The following PDE3B variants were observed in gnomAD, a reference collection of about 807,000 sequenced individuals.
The protein encoded by PDE3B is cGMP-inhibited 3',5'-cyclic phosphodiesterase 3B.
A neutral mutation model predicts 116.8 loss-of-function variants in PDE3B; 66 were observed. The observed-to-expected ratio is 0.56, with a 90% confidence interval of 0.46 to 0.69. The LOEUF (loss-of-function observed/expected upper bound fraction) is 0.69, where lower values mean the gene tolerates loss of function less well. Ranked by LOEUF, PDE3B falls within the 30% of genes least tolerant of loss-of-function variation. PDE3B has a pLI of 0.00. For missense variants in PDE3B, 1,384 were observed against 1,368.1 expected, an observed-to-expected ratio of 1.01 and a Z score of -0.18; for synonymous variants, 595 against 533.6, an observed-to-expected ratio of 1.12 and a Z score of -1.59.
At chr11:14,835,466 C>T (rs1310381823) in intron 11 of PDE3B, among the ~76,000 whole-genome samples, 1 of 151,678 alleles carries the variant, frequency 6.6e-6, no homozygotes, top group Non-Finnish European at 1.5e-5. Context: ...GTTTCAAGTA[C>T]ATCACATACA....
the PDE3B span, among the ~76,000 whole-genome samples, chr11:14,895,672 G>C: frequency 6.6e-6 from 1 of 152,198 alleles, no homozygotes; most frequent in Non-Finnish European, 1.5e-5. Flanking sequence ...GGAACCTTAT[G>C]AAAGTCTCCC....
chr11:14,826,308 T>C (rs1377298006), intron 7 of PDE3B, among the ~76,000 whole-genome samples: 2 of 151,986 alleles, frequency 1.3e-5, no homozygotes, highest in African/African-American at 2.4e-5. Flanking sequence ...AAAAACACCA[T>C]CCAAAAGATG....
chr11:14,800,338 G>A (rs557933842), intron 4 of PDE3B, among the ~76,000 whole-genome samples: 4 of 152,178 alleles, frequency 2.6e-5, no homozygotes, highest in Admixed American at 1.3e-4. Flanking sequence ...GGTGGTGCGC[G>A]CCTGTAATCG....
intron 1 of PDE3B, among the ~76,000 whole-genome samples, chr11:14,728,062 GCTTA>G (rs1856361423): frequency 6.6e-6 from 1 of 151,984 alleles, no homozygotes. Context: ...TATCATACAT[GCTTA>G]CTTTTCACAG....
At position 14,778,255 on chromosome 11, in the gene PDE3B, C is replaced by A. The variant is rs1022295119; in HGVS notation, c.1029+6268C>A. Among the ~76,000 whole-genome samples, 3 of 152,240 alleles carry A rather than the reference C, an allele frequency of 2.0e-5. No individual in the cohort carries two copies. The East Asian group carries it at 5.8e-4, about 29-fold the overall frequency. ...CCTCTGGGGGCAGGGCATAGCTGAA[C>A]GAAAGGCAGCAAAAACTTCTGCAGA... On this transcript the variant is annotated intron_variant, in intron 2 of 15. Transcript: ENST00000282096.
intron 1 of PDE3B, among the ~76,000 whole-genome samples, chr11:14,698,368 T>C (rs1855271273): frequency 6.6e-6 from 1 of 151,954 alleles, no homozygotes; most frequent in Non-Finnish European, 1.5e-5. Context: ...TTAATTTCTT[T>C]TTAAAGATGG....
At chr11:14,646,136 T>G (rs1246972945) in intron 1 of PDE3B, among the ~76,000 whole-genome samples, 3 of 152,186 alleles carry the variant, frequency 2.0e-5, no homozygotes, top group African/African-American at 7.2e-5. Context: ...GCGTACACCC[T>G]AGGTTTTCTG....
chr11:14,647,724 C>T (rs1565071543), intron 1 of PDE3B, among the ~76,000 whole-genome samples: 1 of 151,800 alleles, frequency 6.6e-6, no homozygotes, highest in Non-Finnish European at 1.5e-5. Flanking sequence ...TTTTATTAAC[C>T]TCTTTGAAAG....
Position 14,779,712 on chromosome 11 carries a change from A to T in PDE3B, c.1030-6725A>T, listed in dbSNP as rs752388607. 1.4e-3 allele frequency among the ~76,000 whole-genome samples: 212 copies of T among 152,326 alleles called. 2 individuals carry two copies. Among genetic ancestry groups the T allele is most frequent in the Non-Finnish European group, 2.4e-3 (165 of 68,020 alleles). On this transcript the variant is annotated intron_variant, in intron 2 of 15. Coordinates refer to ENST00000282096, the MANE Select transcript of PDE3B (RefSeq NM_000922.4). Reference sequence around the variant, plus strand: ...ACAACTGCTACCAGCCACTGCAAAAACATGCCAAATTGTAAAGACCATCGA... The same window carrying T: ...ACAACTGCTACCAGCCACTGCAAAATCATGCCAAATTGTAAAGACCATCGA...
At chr11:14,728,886 A>G (rs148677244) in intron 1 of PDE3B, among the ~76,000 whole-genome samples, 7 of 152,278 alleles carry the variant, frequency 4.6e-5, no homozygotes, top group Middle Eastern at 3.4e-3. Flanking sequence ...TAGAATAATT[A>G]AAAGTAATTA....
chr11:14,861,378 C>T lies in PDE3B; in HGVS notation c.2886+12C>T. On this transcript the variant is annotated intron_variant, in intron 14 of 15. Transcript: ENST00000282096. ...AATTTTATGAGCAGGTAAGTTGAAACCTGAGCTTGGTGGGATTTTTAAGAG... is the reference window on the plus strand; with the variant it reads ...AATTTTATGAGCAGGTAAGTTGAAATCTGAGCTTGGTGGGATTTTTAAGAG... The T allele has an allele frequency of 6.2e-7, 1 of 1,610,710 alleles. No homozygotes were observed. The highest frequency in any genetic ancestry group is 1.1e-5 in the South Asian group (1 of 90,808).
intron 14 of PDE3B, among the ~76,000 whole-genome samples, chr11:14,861,814 T>C (rs1332276650): frequency 6.6e-6 from 1 of 152,224 alleles, no homozygotes; most frequent in African/African-American, 2.4e-5. Flanking sequence ...GCGGGCAACC[T>C]AAGAGATCAA....
At chr11:14,850,083 C>A (rs1483120581) in intron 12 of PDE3B, among the ~76,000 whole-genome samples, 3 of 152,090 alleles carry the variant, frequency 2.0e-5, no homozygotes, top group Non-Finnish European at 4.4e-5. Flanking sequence ...GACTTGGAAC[C>A]GACCCAAATG....
At chr11:14,665,219 C>G (rs1234561095) in intron 1 of PDE3B, among the ~76,000 whole-genome samples, 19 of 152,134 alleles carry the variant, frequency 1.2e-4, no homozygotes, top group Admixed American at 7.9e-4. Flanking sequence ...ATTCAACAAC[C>G]CTTCATGCTA....
intron 1 of PDE3B, among the ~76,000 whole-genome samples, chr11:14,664,306 A>C (rs1854047096): frequency 6.6e-6 from 1 of 152,240 alleles, no homozygotes; most frequent in African/African-American, 2.4e-5. Flanking sequence ...TGCCCACAAG[A>C]GAAAGTAGGA....
intron 1 of PDE3B, among the ~76,000 whole-genome samples, chr11:14,665,401 T>A (rs12785496): frequency 3.3e-5 from 5 of 152,276 alleles, no homozygotes; most frequent in Non-Finnish European, 7.4e-5. Flanking sequence ...CCACATACTG[T>A]TGGAAGTTCT....
At chr11:14,651,301 A>G (rs1012297579) in intron 1 of PDE3B, among the ~76,000 whole-genome samples, 2 of 151,978 alleles carry the variant, frequency 1.3e-5, no homozygotes, top group African/African-American at 4.8e-5. Flanking sequence ...AAATTTTCTA[A>G]TCTTCTAAGG....
chr11:14,860,093 C>T (rs1590200146), intron 13 of PDE3B, among the ~76,000 whole-genome samples: 1 of 152,074 alleles, frequency 6.6e-6, no homozygotes, highest in South Asian at 2.1e-4. Flanking sequence ...TAATGAAATG[C>T]TTATAAAAAT....
intron 14 of PDE3B, among the ~76,000 whole-genome samples, chr11:14,864,323 C>T (rs773228844): frequency 1.6e-4 from 24 of 152,128 alleles, no homozygotes; most frequent in Non-Finnish European, 3.1e-4. Flanking sequence ...TAGAGACCTA[C>T]AAGGAGACTC....
Sources: allele counts gnomAD v4.1 joint callset (sites outside exome capture counted in the v4.1 genomes callset), GRCh38; gene constraint gnomAD v4.1.1; transcripts MANE v1.5; gene names NCBI Gene and HGNC (gene_info 2026-07-23, HGNC 2026-07-21).